Variants in AR observed in about 807,000 individuals in gnomAD.
AR encodes androgen receptor, also known as dihydrotestosterone receptor.
In AR, 8 loss-of-function variants were observed where a neutral mutation model predicts 53.9. The ratio of observed to expected loss-of-function variants is 0.15; its 90% CI spans 0.09 to 0.27. The LOEUF (loss-of-function observed/expected upper bound fraction) is 0.27, where lower values mean the gene tolerates loss of function less well. AR is among the 10% of genes least tolerant of loss of function. AR has a pLI of 1.00. For missense variants in AR, 639 were observed against 742.5 expected, an observed-to-expected ratio of 0.86 and a Z score of 1.62; for synonymous variants, 359 against 316.4, an observed-to-expected ratio of 1.13 and a Z score of -1.43.
intron 1 of AR, among the ~76,000 whole-genome samples, chrX:67,553,402 G>A (rs1036519919): frequency 4.5e-5 from 5 of 112,040 alleles, no homozygotes; most frequent in African/African-American, 9.7e-5. Flanking sequence ...ACTATATTCA[G>A]TTGATCTATA....
At position 67,727,058 on chromosome X, in the gene AR, T is replaced by A. The variant is rs2076160648; in HGVS notation, c.*3217T>A. The A allele has an allele frequency of 5.8e-6, 1 of 172,749 alleles. No individual in the cohort carries two copies. Among genetic ancestry groups the A allele is most frequent in the African/African-American group, 2.9e-5 (1 of 34,102 alleles). The allele number at this position is 172,749 out of a possible 1,213,427, so 14.2% of individuals were successfully genotyped here. On this transcript the variant is annotated 3_prime_UTR_variant, in exon 8 of 8. Transcript: ENST00000374690. ...GCTGCCAGGATCACGAACTCTGTAGTCAAAGAAAAGAGTCGTGTGGCAGTT... is the reference window on the plus strand; with the variant it reads ...GCTGCCAGGATCACGAACTCTGTAGACAAAGAAAAGAGTCGTGTGGCAGTT...
rs1426804314 is a variant in AR at position 67,686,146 on chromosome X, C to T, written c.1885+20C>T. On this transcript the variant is annotated intron_variant, in intron 3 of 7. Coordinates refer to ENST00000374690, the MANE Select transcript of AR (RefSeq NM_000044.6). Reference sequence around the variant, plus strand: ...TGGGAGGTAAGATACTTTTCTTTCTCTTCCTCCTCCTTCCTCTCTCCCCCT... The same window carrying T: ...TGGGAGGTAAGATACTTTTCTTTCTTTTCCTCCTCCTTCCTCTCTCCCCCT... The T allele has an allele frequency of 1.7e-6, 2 of 1,163,019 alleles. No individual in the cohort carries two copies. Among genetic ancestry groups the T allele is most frequent in the African/African-American group, 3.6e-5 (2 of 56,067 alleles).
intron 2 of AR, among the ~76,000 whole-genome samples, chrX:67,673,043 GT>G (rs72492037): frequency 0.075 from 7,272 of 97,047 alleles, 691 homozygotes; most frequent in African/African-American, 0.25. Context: ...TAGGGTAAAA[GT>G]TTTTTTTTTT....
At chrX:67,696,249 A>T (rs1324584427) in intron 3 of AR, among the ~76,000 whole-genome samples, 2 of 110,709 alleles carry the variant, frequency 1.8e-5, no homozygotes, top group South Asian at 7.7e-4. Context: ...ATGTAATTGT[A>T]AAAGCATGTA....
intron 2 of AR, among the ~76,000 whole-genome samples, chrX:67,663,429 C>T (rs181944320): frequency 8.9e-6 from 1 of 112,180 alleles, no homozygotes; most frequent in Non-Finnish European, 1.9e-5. Context: ...AAATTCTTTT[C>T]TTTAAGAATG....
chrX:67,586,689 C>T (rs1293880768), intron 1 of AR, among the ~76,000 whole-genome samples: 6 of 111,961 alleles, frequency 5.4e-5, no homozygotes, highest in African/African-American at 9.8e-5. Flanking sequence ...TGAGGTTAGA[C>T]GGTTGGTAGG....
intron 1 of AR, among the ~76,000 whole-genome samples, chrX:67,572,974 G>A (rs1434229555): frequency 1.8e-5 from 2 of 111,427 alleles, no homozygotes; most frequent in Non-Finnish European, 3.8e-5. Context: ...AAGAATCTTC[G>A]TCTTCATTTT....
At chrX:67,670,149 A>G (rs1323270939) in intron 2 of AR, among the ~76,000 whole-genome samples, 1 of 87,914 alleles carries the variant, frequency 1.1e-5, no homozygotes. Flanking sequence ...CATTACCCAT[A>G]TATTATATAT....
intron 1 of AR, among the ~76,000 whole-genome samples, chrX:67,570,716 T>C (rs1387973423): frequency 9.0e-6 from 1 of 110,708 alleles, no homozygotes; most frequent in Admixed American, 9.6e-5. Context: ...ATGAGACTTA[T>C]CACAAATAAG....
intron 2 of AR, among the ~76,000 whole-genome samples, chrX:67,657,357 A>T (rs762597926): frequency 1.8e-5 from 2 of 110,421 alleles, no homozygotes; most frequent in African/African-American, 6.6e-5. Flanking sequence ...CTTAAGTCCT[A>T]CCTTCCTTCA....
intron 5 of AR, among the ~76,000 whole-genome samples, chrX:67,719,520 CT>C (rs1037280044): frequency 6.3e-5 from 7 of 111,610 alleles, no homozygotes; most frequent in Non-Finnish European, 1.3e-4. Flanking sequence ...GGTCAGAGGC[CT>C]AGACCCATCA....
At chrX:67,570,130 G>A (rs1921748698) in intron 1 of AR, among the ~76,000 whole-genome samples, 1 of 112,096 alleles carries the variant, frequency 8.9e-6, no homozygotes. Context: ...AGTCAGTTGT[G>A]TTGGCTGTCC....
chrX:67,633,826 A>G (rs1229336629), intron 1 of AR, among the ~76,000 whole-genome samples: 1 of 112,222 alleles, frequency 8.9e-6, no homozygotes, highest in Non-Finnish European at 1.9e-5. Context: ...ACTACACTGT[A>G]TGATTTTATT....
At position 67,693,602 on chromosome X, in the gene AR, C is replaced by G. The variant is rs749464763; in HGVS notation, c.1885+7476C>G. 1.9e-4 allele frequency among the ~76,000 whole-genome samples: 21 copies of G among 111,799 alleles called. 1 individual carries two copies. Among genetic ancestry groups the G allele is most frequent in the African/African-American group, 6.2e-4 (19 of 30,789 alleles). Reference sequence around the variant, plus strand: ...ACCTGAGCAAGCTGCTTTTTGGAGACATTTGCACATCTTTTGGGATCACGT... The same window carrying G: ...ACCTGAGCAAGCTGCTTTTTGGAGAGATTTGCACATCTTTTGGGATCACGT... On this transcript the variant is annotated intron_variant, in intron 3 of 7. Transcript: ENST00000374690.
intron 2 of AR, among the ~76,000 whole-genome samples, chrX:67,661,321 G>T (rs1445390402): frequency 1.8e-5 from 2 of 110,849 alleles, no homozygotes; most frequent in South Asian, 3.8e-4. Context: ...TCCAGTTTTT[G>T]CCCATTCAGT....
chrX:67,703,571 A>T (rs1302573984), intron 3 of AR, among the ~76,000 whole-genome samples: 1 of 111,888 alleles, frequency 8.9e-6, no homozygotes, highest in African/African-American at 3.3e-5. Context: ...ACTATTGAGG[A>T]CTTCAGCCTT....
intron 2 of AR, among the ~76,000 whole-genome samples, chrX:67,662,596 A>G (rs1248420008): frequency 9.0e-6 from 1 of 111,027 alleles, no homozygotes; most frequent in Non-Finnish European, 1.9e-5. Context: ...TTTGCTGAGG[A>G]GTGCTTTACT....
intron 2 of AR, among the ~76,000 whole-genome samples, chrX:67,676,750 ATAT>A (rs1015398293): frequency 4.5e-5 from 5 of 111,398 alleles, no homozygotes; most frequent in African/African-American, 1.3e-4. Flanking sequence ...AAGAGAGGTG[ATAT>A]TATCGGAATG....
intron 1 of AR, among the ~76,000 whole-genome samples, chrX:67,604,918 A>G (rs1312375093): frequency 8.9e-6 from 1 of 111,950 alleles, no homozygotes; most frequent in East Asian, 2.8e-4. Flanking sequence ...TACCTGAAGA[A>G]TAAGAGTAGG....
Sources: allele counts gnomAD v4.1 joint callset (sites outside exome capture counted in the v4.1 genomes callset), GRCh38; gene constraint gnomAD v4.1.1; transcripts MANE v1.5; gene names NCBI Gene and HGNC (gene_info 2026-07-23, HGNC 2026-07-21).